SBNO2: variants seen among roughly 807,000 people sequenced by gnomAD.
SBNO2 encodes protein strawberry notch homolog 2.
SBNO2 carries 89 observed loss-of-function variants against 146.3 expected under a neutral mutation model. The ratio of observed to expected loss-of-function variants is 0.61; its 90% confidence interval spans 0.51 to 0.73. SBNO2 has a LOEUF of 0.73. Among genes scored for constraint, SBNO2 ranks in the 30% least tolerant of loss-of-function variants. The pLI is 0.00. For synonymous variants in SBNO2, 1,147 were observed against 892.6 expected (o/e 1.29, Z -5.08); for missense variants, 2,092 against 2,003.7 (o/e 1.04, Z -0.84).
intron 4 of SBNO2, among the ~76,000 whole-genome samples, chr19:1,138,308 G>A (rs546054689): frequency 2.0e-5 from 3 of 151,360 alleles, no homozygotes; most frequent in Middle Eastern, 3.4e-3. Flanking sequence ...GGGTGGGGCC[G>A]CGAGGCTGGG....
At position 1,108,846 on chromosome 19, in the gene SBNO2, G is replaced by C; in HGVS notation, c.3549C>G (p.Ala1183=). ...GCAGGTAGCTGCTGCTGCTGACGTCGGCCATGACGGCGGCGATGCGGCCCC... is the reference window on the plus strand; with the variant it reads ...GCAGGTAGCTGCTGCTGCTGACGTCCGCCATGACGGCGGCGATGCGGCCCC... The part of the protein sequence containing the change: ...RVWGRIAAVM[A]DVSSSSYLQI... The change falls in exon 31 of 32, where the codon GCC becomes GCG. Residue 1183 remains alanine, a synonymous_variant. Coordinates refer to ENST00000361757, the MANE Select transcript of SBNO2 (RefSeq NM_014963.3). 6.3e-7 allele frequency: 1 copy of C among 1,598,946 alleles called. No homozygotes were observed. Among genetic ancestry groups the C allele is most frequent in the Non-Finnish European group, 8.5e-7 (1 of 1,178,112 alleles).
chr19:1,166,441 A>G (rs2080425632), intron 1 of SBNO2, among the ~76,000 whole-genome samples: 1 of 152,148 alleles, frequency 6.6e-6, no homozygotes, highest in African/African-American at 2.4e-5. Context: ...GTGGCAGCCA[A>G]GCAGCTTCCA....
At chr19:1,162,355 G>C (rs2080356543) in intron 1 of SBNO2, among the ~76,000 whole-genome samples, 1 of 149,602 alleles carries the variant, frequency 6.7e-6, no homozygotes, top group East Asian at 2.0e-4. Context: ...AGCTACTCGG[G>C]AGGCCGAGGC....
At position 1,112,558 on chromosome 19, in the gene SBNO2, G is replaced by C. The variant is rs987192518; in HGVS notation, c.2380-21C>G. ...ACGAGCTAGGGGGAAAGAAGGGGCC[G>C]GGACACGGTTGGTGCAAGGCCCGCC... is the stretch of plus-strand genomic sequence containing the variant. On this transcript the variant is annotated intron_variant, in intron 20 of 31. Transcript: ENST00000361757. This position sits in a 1 kb window ranked among gnomAD's most constrained non-coding sequence, Gnocchi z 5.9. The C allele has an allele frequency of 6.3e-7, 1 of 1,584,256 alleles. No homozygotes were observed.
chr19:1,133,229 C>A (rs932599956), intron 4 of SBNO2, among the ~76,000 whole-genome samples: 1 of 150,876 alleles, frequency 6.6e-6, no homozygotes, highest in Non-Finnish European at 1.5e-5. Flanking sequence ...CACGAGACCG[C>A]GGCCGAGACC....
At chr19:1,132,416 C>A (rs775452095) in intron 4 of SBNO2, 23 of 531,098 alleles carry the variant, frequency 4.3e-5, no homozygotes, top group Non-Finnish European at 5.3e-5. Context: ...CAGGCGCTGT[C>A]AACACGCAAC....
chr19:1,117,228 C>T (rs767897046), intron 15 of SBNO2, 95 bp downstream of exon 15: 23 of 1,277,012 alleles, frequency 1.8e-5, no homozygotes, highest in African/African-American at 6.0e-5. Context: ...CCCCCGCCCA[C>T]GTCTGGGGAG....
chr19:1,149,283 G>A (rs1001179636), intron 3 of SBNO2, 86 bp downstream of exon 3: 16 of 1,290,308 alleles, frequency 1.2e-5, no homozygotes, highest in Middle Eastern at 1.8e-4. Context: ...TTGGGCCCTC[G>A]CGCCCTGCAC....
At chr19:1,113,443 C>CA in intron 19 of SBNO2, 92 bp downstream of exon 19, 2 of 1,140,678 alleles carry the variant, frequency 1.8e-6, no homozygotes, top group Non-Finnish European at 2.4e-6. Flanking sequence ...GAGTGACCAG[C>CA]AGGGGCCACC....
intron 3 of SBNO2, 67 bp downstream of exon 3, chr19:1,149,302 C>CCGTTTGT: frequency 6.9e-7 from 1 of 1,446,282 alleles, no homozygotes; most frequent in South Asian, 1.2e-5. Context: ...ACCCAGAACT[C>CCGTTTGT]CGTTTGTAAC....
chr19:1,142,189 C>T (rs962594139), intron 4 of SBNO2, among the ~76,000 whole-genome samples: 12 of 118,638 alleles, frequency 1.0e-4, no homozygotes, highest in African/African-American at 1.3e-4. Flanking sequence ...CCATGATCAA[C>T]CCTCACTCAA....
chr19:1,146,791 G>A (rs1244395882), intron 4 of SBNO2, among the ~76,000 whole-genome samples: 4 of 136,226 alleles, frequency 2.9e-5, no homozygotes, highest in African/African-American at 8.5e-5. Context: ...GCCTGATGCC[G>A]AAGGGGGAGG....
In SBNO2 at chr19:1,150,221, T is replaced by C. The variant is rs1443855113; in HGVS notation, c.94-779A>G. ...ACCTCACTATGCCTGCCCTTGGGAA[T>C]GAGAGCGGCTTGAGGCACACGGCAG... On this transcript the variant is annotated intron_variant, in intron 2 of 31. Coordinates refer to ENST00000361757, the MANE Select transcript of SBNO2 (RefSeq NM_014963.3). The surrounding 1 kb of genome is among the most constrained non-coding windows in gnomAD (Gnocchi z 6.2). 1.3e-5 allele frequency among the ~76,000 whole-genome samples: 2 copies of C among 152,046 alleles called. No individual in the cohort carries two copies. The highest frequency in any genetic ancestry group is 4.8e-5 in the African/African-American group (2 of 41,384).
Position 1,111,857 on chromosome 19 carries a change from C to A in SBNO2, c.2700+139G>T, listed in dbSNP as rs1056661033. The A allele has an allele frequency of 1.0e-5, 9 of 899,828 alleles. No homozygotes were observed. In the African/African-American group the frequency reaches 1.3e-4, roughly 13 times the overall value. The allele number at this position is 899,828 out of a possible 1,614,324, so 55.7% of individuals were successfully genotyped here. On this transcript the variant is annotated intron_variant, in intron 23 of 31. Coordinates refer to ENST00000361757, the MANE Select transcript of SBNO2 (RefSeq NM_014963.3). ...AGAAGCCCCCTTCCCCCCTGGGGGT[C>A]CTAGACCCGGCCCTCCTCCAGACCA... is the stretch of plus-strand genomic sequence containing the variant.
intron 1 of SBNO2, among the ~76,000 whole-genome samples, chr19:1,166,704 G>A (rs1306080662): frequency 6.6e-6 from 1 of 152,014 alleles, no homozygotes; most frequent in African/African-American, 2.4e-5. Flanking sequence ...TGAGCCTGTG[G>A]TCCCCTCTAA....
chr19:1,147,128 C>A (rs1010284494), intron 4 of SBNO2, among the ~76,000 whole-genome samples, 181 bp downstream of exon 4: 1 of 152,108 alleles, frequency 6.6e-6, no homozygotes, highest in Non-Finnish European at 1.5e-5. Context: ...CTGGCTCTTC[C>A]CCAAAACCAA....
At chr19:1,116,228 G>C (rs2079830634) in intron 16 of SBNO2, 125 bp from the exon 17 acceptor site, 3 of 796,646 alleles carry the variant, frequency 3.8e-6, no homozygotes, top group Admixed American at 2.7e-5. Flanking sequence ...CCTGGGCAGA[G>C]GGTCTCCTGT....
chr19:1,162,492 G>T (rs1435343903), intron 1 of SBNO2, among the ~76,000 whole-genome samples: 2 of 151,654 alleles, frequency 1.3e-5, no homozygotes, highest in African/African-American at 4.8e-5. Context: ...TTGGGGGCAG[G>T]AGCCTGGATC....
Position 1,109,006 on chromosome 19 carries a change from C to G in SBNO2, c.3426-37G>C. On this transcript the variant is annotated intron_variant, in intron 30 of 31. Transcript: ENST00000361757. This position sits in a 1 kb window ranked among gnomAD's most constrained non-coding sequence, Gnocchi z 4.2. ...ACGGGTCGTCTCGGCTCAGGCGGGT[C>G]CCAGGGGCCCGCAGGCTCCCCAGGT... 6.7e-7 allele frequency: 1 copy of G among 1,490,462 alleles called. No individual in the cohort carries two copies. The highest frequency in any genetic ancestry group is 2.5e-5 in the East Asian group (1 of 40,420). 92.3% of individuals were successfully genotyped at this position (1,490,462 alleles called of 1,614,324 possible). A position where few individuals can be genotyped will look rare whatever the true frequency, so the allele number is the denominator to read the frequency against.
Sources: gnomAD v4.1 joint callset for allele counts (sites outside exome capture counted in the v4.1 genomes callset) on GRCh38, gnomAD v4.1.1 for gene constraint, Gnocchi (gnomAD v3.1) non-coding constraint, MANE v1.5 for transcripts, NCBI Gene and HGNC (gene_info 2026-07-23, HGNC 2026-07-21) for gene names.